The following RBFOX1 variants were observed in gnomAD, a reference collection of about 807,000 sequenced individuals.
RBFOX1 encodes the protein RNA binding fox-1 homolog 1, also known as RNA binding protein fox-1 homolog 1.
A neutral mutation model predicts 57.7 loss-of-function variants in RBFOX1; 8 were observed. That is an observed-to-expected ratio of 0.14 (90% CI 0.08 to 0.25). RBFOX1 has a LOEUF of 0.25. Among genes scored for constraint, RBFOX1 ranks in the 10% least tolerant of loss-of-function variants. The probability of loss-of-function intolerance (pLI) is 1.00; values close to 1 mark genes in which losing one functional copy is unlikely to be tolerated. For synonymous variants in RBFOX1, 326 were observed against 222.4 expected (o/e 1.47, Z -4.15); for missense variants, 611 against 548.5 (o/e 1.11, Z -1.14).
chr16:6,714,867 C>G (rs892025014), intron 3 of RBFOX1, among the ~76,000 whole-genome samples: 2 of 151,724 alleles, frequency 1.3e-5, no homozygotes, highest in Admixed American at 6.6e-5. Context: ...GTTTGGGAGG[C>G]AGAAAAAAGT....
chr16:6,810,773 C>T (rs575348405), intron 3 of RBFOX1, among the ~76,000 whole-genome samples: 5 of 152,130 alleles, frequency 3.3e-5, no homozygotes, highest in African/African-American at 9.6e-5. Context: ...GAGAGAACTG[C>T]GTCATAAAAC....
chr16:7,515,459 A>C (rs1351270802), intron 4 of RBFOX1, among the ~76,000 whole-genome samples: 1 of 151,068 alleles, frequency 6.6e-6, no homozygotes, highest in African/African-American at 2.5e-5. Flanking sequence ...ATCTTAAATT[A>C]AATCTCTCCA....
At chr16:5,387,125 C>T (rs1329462421) in intron 1 of RBFOX1, among the ~76,000 whole-genome samples, 2 of 152,212 alleles carry the variant, frequency 1.3e-5, no homozygotes, top group African/African-American at 4.8e-5. Flanking sequence ...GCTGTCTCCC[C>T]ACAAGGCTCA....
At chr16:6,898,754 A>G (rs947827086) in intron 3 of RBFOX1, among the ~76,000 whole-genome samples, 4 of 152,008 alleles carry the variant, frequency 2.6e-5, no homozygotes, top group Non-Finnish European at 4.4e-5. Context: ...GTCCATATAT[A>G]TAATACGTGT....
At chr16:6,581,354 A>G (rs2097534946) in intron 2 of RBFOX1, among the ~76,000 whole-genome samples, 1 of 151,990 alleles carries the variant, frequency 6.6e-6, no homozygotes, top group Admixed American at 6.6e-5. Flanking sequence ...TCTTTGTTGG[A>G]GATGGTGGTT....
In RBFOX1 at chr16:6,357,549, C is replaced by T. The variant is rs1373634157; in HGVS notation, c.-64+40492C>T. On this transcript the variant is annotated intron_variant, in intron 2 of 15. Transcript: ENST00000550418. ...ACTAGGTGGAGGTCGTCTGCACAAG[C>T]GCTCTCTCTCTTGCTTGCTCTCTCT... Among the ~76,000 whole-genome samples the T allele has an allele frequency of 2.6e-5, 4 of 151,476 alleles. No individual in the cohort carries two copies. In the East Asian group the frequency reaches 5.8e-4, roughly 22 times the overall value.
At chr16:5,853,537 G>C (rs1050555535) in intron 3 of RBFOX1, among the ~76,000 whole-genome samples, 1 of 152,138 alleles carries the variant, frequency 6.6e-6, no homozygotes, top group African/African-American at 2.4e-5. Context: ...CCCTGACTTG[G>C]AGATCTCTCT....
At chr16:7,001,344 C>CTG (rs1033101491) in intron 3 of RBFOX1, among the ~76,000 whole-genome samples, 32 of 149,188 alleles carry the variant, frequency 2.1e-4, no homozygotes, top group Admixed American at 6.6e-4. Flanking sequence ...GGCCCTGACT[C>CTG]TGTGTGTGTG....
At chr16:7,563,272 G>A (rs957469669) in intron 5 of RBFOX1, among the ~76,000 whole-genome samples, 3 of 152,114 alleles carry the variant, frequency 2.0e-5, no homozygotes, top group African/African-American at 7.2e-5. Context: ...AGCACTTACA[G>A]GTGTTGACTC....
chr16:6,383,755 G>C (rs1261801149), intron 2 of RBFOX1, among the ~76,000 whole-genome samples: 4 of 151,636 alleles, frequency 2.6e-5, no homozygotes, highest in Non-Finnish European at 5.9e-5. Context: ...GGGCGACAGT[G>C]CGAGAATTTA....
At position 5,871,217 on chromosome 16, in the gene RBFOX1, T is replaced by G. The variant is rs543015313; in HGVS notation, c.351+3882T>G. Among the ~76,000 whole-genome samples, 10 of 152,356 alleles carry G rather than the reference T, an allele frequency of 6.6e-5. No homozygotes were observed. In the East Asian group the frequency reaches 1.9e-3, roughly 29 times the overall value. On this transcript the variant is annotated intron_variant, in intron 4 of 19. Transcript: ENST00000641259. ...GAAAGAGCTTTATCTTCTGACCAAA[T>G]TCTGCCCAGCAATGTTTATGACAGC...
chr16:7,245,393 C>CT (rs1390488944), intron 4 of RBFOX1, among the ~76,000 whole-genome samples: 1 of 152,002 alleles, frequency 6.6e-6, no homozygotes, highest in Non-Finnish European at 1.5e-5. Flanking sequence ...AAACATGTGC[C>CT]ATGGTTGTTT....
intron 13 of RBFOX1, among the ~76,000 whole-genome samples, chr16:7,665,960 T>C (rs1469439997): frequency 6.6e-6 from 1 of 152,244 alleles, no homozygotes; most frequent in Admixed American, 6.5e-5. Context: ...AGTTGAGTTC[T>C]ACTATTGCAT....
intron 1 of RBFOX1, among the ~76,000 whole-genome samples, chr16:6,143,183 A>G (rs1470202346): frequency 6.6e-6 from 1 of 152,226 alleles, no homozygotes; most frequent in African/African-American, 2.4e-5. Context: ...AATGCTCTTC[A>G]GGAATAACTT....
chr16:5,389,849 C>T (rs2066356489), intron 1 of RBFOX1, among the ~76,000 whole-genome samples: 1 of 151,850 alleles, frequency 6.6e-6, no homozygotes, highest in East Asian at 1.9e-4. Flanking sequence ...AGGTGCCTGC[C>T]ACCACGACCA....
At chr16:5,739,565 T>C (rs1329536581) in intron 3 of RBFOX1, among the ~76,000 whole-genome samples, 2 of 152,250 alleles carry the variant, frequency 1.3e-5, no homozygotes, top group African/African-American at 4.8e-5. Context: ...CTGATAGCTA[T>C]AGAGAAAATA....
chr16:6,894,425 A>G (rs1163619067), intron 3 of RBFOX1, among the ~76,000 whole-genome samples: 1 of 152,108 alleles, frequency 6.6e-6, no homozygotes. Context: ...CACTTCTCTA[A>G]TTCTGTGAGA....
intron 2 of RBFOX1, among the ~76,000 whole-genome samples, chr16:6,348,473 A>T (rs1274015629): frequency 3.9e-5 from 6 of 152,124 alleles, no homozygotes; most frequent in Non-Finnish European, 4.4e-5. Context: ...GCTTGGTGAG[A>T]TGGTATATCA....
chr16:7,390,226 C>T (rs2097975585), intron 4 of RBFOX1, among the ~76,000 whole-genome samples: 2 of 152,182 alleles, frequency 1.3e-5, no homozygotes, highest in African/African-American at 2.4e-5. Context: ...CCTCCTCCAA[C>T]ACTGAGAACT....
Sources: gnomAD v4.1 joint callset for allele counts (sites outside exome capture counted in the v4.1 genomes callset) on GRCh38, gnomAD v4.1.1 for gene constraint, MANE v1.5 for transcripts, NCBI Gene and HGNC (gene_info 2026-07-23, HGNC 2026-07-21) for gene names.